The following MYO9B variants were observed in gnomAD, a reference collection of about 807,000 sequenced individuals.
The protein encoded by MYO9B is myosin IXB.
In MYO9B, 71 loss-of-function variants were observed where a neutral mutation model predicts 229.5. The observed-to-expected ratio is 0.31, with a 90% CI of 0.26 to 0.38. MYO9B has a LOEUF of 0.38. Among genes scored for constraint, MYO9B ranks in the 10% least tolerant of loss-of-function variants. The probability of loss-of-function intolerance (pLI) is 1.00; values close to 1 mark genes in which losing one functional copy is unlikely to be tolerated. For missense variants in MYO9B, 2,255 were observed against 2,920.5 expected, an observed-to-expected ratio of 0.77 and a Z score of 5.25; for synonymous variants, 1,185 against 1,235.8, an observed-to-expected ratio of 0.96 and a Z score of 0.86.
intron 2 of MYO9B, among the ~76,000 whole-genome samples, chr19:17,105,542 GAGCTCATTTCTTTTGCTGAATTGT>G: frequency 6.6e-6 from 1 of 152,052 alleles, no homozygotes; most frequent in Non-Finnish European, 1.5e-5. Context: ...CGTGGCTTGA[GAGCTCATTTCTTTTGCTGAATTGT>G]AGCTCATTAT....
At chr19:17,085,367 C>T (rs923353949) in intron 1 of MYO9B, among the ~76,000 whole-genome samples, 1 of 152,066 alleles carries the variant, frequency 6.6e-6, no homozygotes, top group Non-Finnish European at 1.5e-5. Flanking sequence ...AGGCAGAGAG[C>T]ACTCCACGTG....
At chr19:17,148,750 A>AT (rs1268303374) in intron 3 of MYO9B, among the ~76,000 whole-genome samples, 4 of 151,970 alleles carry the variant, frequency 2.6e-5, no homozygotes, top group African/African-American at 9.7e-5. Context: ...CACCCAGCTA[A>AT]TTTTTGTATT....
intron 1 of MYO9B, among the ~76,000 whole-genome samples, chr19:17,091,507 G>C (rs1345302906): frequency 6.6e-6 from 1 of 152,224 alleles, no homozygotes; most frequent in African/African-American, 2.4e-5. Context: ...AGGAGTTTGA[G>C]ACCAGCCTGG....
At chr19:17,086,142 G>A (rs140042349) in intron 1 of MYO9B, among the ~76,000 whole-genome samples, 51 of 152,232 alleles carry the variant, frequency 3.4e-4, no homozygotes, top group East Asian at 2.1e-3. Flanking sequence ...TCTGGTCCTG[G>A]TGCCCCTGCA....
At chr19:17,181,503 T>A (rs1440590454) in intron 15 of MYO9B, among the ~76,000 whole-genome samples, 1 of 152,176 alleles carries the variant, frequency 6.6e-6, no homozygotes, top group Non-Finnish European at 1.5e-5. Context: ...ATAAACCGGT[T>A]TGGGATCCCG....
At position 17,172,042 on chromosome 19, in the gene MYO9B, CA is replaced by C. The variant is rs1328804729; in HGVS notation, c.1794-293del. 6.6e-6 allele frequency among the ~76,000 whole-genome samples: 1 copy of C among 152,184 alleles called. No homozygotes were observed. The highest frequency in any genetic ancestry group is 1.5e-5 in the Non-Finnish European group (1 of 68,030). ...CAGCTATGCCAGCTGACGCAGAGAG[CA>C]GAGTCCCAGCCCTCCACCAGCGTGT... On this transcript the variant is annotated intron_variant, in intron 11 of 39. Transcript: ENST00000682292. The surrounding 1 kb of genome is among the most constrained non-coding windows in gnomAD (Gnocchi z 8.2).
chr19:17,096,688 TTGTTGTTGTTGTTGTTGG>T (rs1233659568), intron 1 of MYO9B, among the ~76,000 whole-genome samples: 39 of 113,818 alleles, frequency 3.4e-4, no homozygotes, highest in South Asian at 2.8e-3. Flanking sequence ...GTTGTTGTTG[TTGTTGTTGTTGTTGTTGG>T]TTTTTTTTTT....
intron 8 of MYO9B, among the ~76,000 whole-genome samples, chr19:17,161,152 C>T (rs752695159): frequency 3.3e-5 from 5 of 152,162 alleles, no homozygotes; most frequent in African/African-American, 1.2e-4. Context: ...CCCGGAAGAA[C>T]AAGGGGCCTG....
At chr19:17,097,748 A>G (rs2057706784) in intron 1 of MYO9B, among the ~76,000 whole-genome samples, 1 of 151,596 alleles carries the variant, frequency 6.6e-6, no homozygotes, top group Non-Finnish European at 1.5e-5. Context: ...AGTGGCCCTG[A>G]CCCCACTCAG....
chr19:17,086,008 A>G (rs1159698254), intron 1 of MYO9B, among the ~76,000 whole-genome samples: 1 of 151,756 alleles, frequency 6.6e-6, no homozygotes, highest in Non-Finnish European at 1.5e-5. Context: ...ACCAGAACCC[A>G]CCTGTGTCTC....
chr19:17,179,487 T>C (rs1444596924), intron 14 of MYO9B, among the ~76,000 whole-genome samples: 2 of 140,462 alleles, frequency 1.4e-5, no homozygotes, highest in Admixed American at 1.5e-4. Flanking sequence ...AGTGCAGTGG[T>C]GCGATCTCGG....
intron 2 of MYO9B, among the ~76,000 whole-genome samples, chr19:17,118,461 AATTTATTT>A (rs200647611): frequency 1.2e-4 from 18 of 151,772 alleles, no homozygotes; most frequent in African/African-American, 3.9e-4. Flanking sequence ...TTTTAAAATG[AATTTATTT>A]ATTTATTTAT....
intron 2 of MYO9B, among the ~76,000 whole-genome samples, chr19:17,126,240 C>G (rs1217250486): frequency 6.6e-6 from 1 of 152,216 alleles, no homozygotes; most frequent in Non-Finnish European, 1.5e-5. Flanking sequence ...CTCTTCTCAC[C>G]CAGCCCTCCT....
intron 2 of MYO9B, among the ~76,000 whole-genome samples, chr19:17,113,852 A>G (rs2057873362): frequency 6.6e-6 from 1 of 152,150 alleles, no homozygotes; most frequent in African/African-American, 2.4e-5. Context: ...CCCAGAGGCG[A>G]CGAGAAAGCA....
At chr19:17,119,583 C>G (rs1280105333) in intron 2 of MYO9B, among the ~76,000 whole-genome samples, 1 of 152,134 alleles carries the variant, frequency 6.6e-6, no homozygotes, top group Non-Finnish European at 1.5e-5. Flanking sequence ...CCTGTAATCC[C>G]AGCACTTCAG....
At chr19:17,129,999 C>G (rs1371590284) in intron 2 of MYO9B, among the ~76,000 whole-genome samples, 1 of 151,950 alleles carries the variant, frequency 6.6e-6, no homozygotes, top group Non-Finnish European at 1.5e-5. Context: ...AGTTATTTTT[C>G]TTTAAGAGAC....
chr19:17,189,526 C>T (rs1019057432), intron 19 of MYO9B, among the ~76,000 whole-genome samples: 2 of 150,772 alleles, frequency 1.3e-5, no homozygotes, highest in African/African-American at 4.9e-5. Context: ...CAGCTACTTG[C>T]GGGGCTGAGG....
rs560224416 is a variant in MYO9B at position 17,157,127 on chromosome 19, A to G, written c.1329+89A>G. The G allele has an allele frequency of 5.6e-4, 815 of 1,465,970 alleles. 3 individuals carry two copies. The highest frequency in any genetic ancestry group is 7.2e-4 in the Middle Eastern group (3 of 4,146). The allele number at this position is 1,465,970 out of a possible 1,614,324, so 90.8% of individuals were successfully genotyped here. ...CGAGGGACCATACCCAGAACTTCCTACGTCAGCTGAGGTTTCATCAACCAG... is the reference window on the plus strand; with the variant it reads ...CGAGGGACCATACCCAGAACTTCCTGCGTCAGCTGAGGTTTCATCAACCAG... On this transcript the variant is annotated intron_variant, in intron 7 of 39. Transcript: ENST00000682292.
chr19:17,167,390 C>A (rs2072671050), intron 10 of MYO9B, among the ~76,000 whole-genome samples: 1 of 151,272 alleles, frequency 6.6e-6, no homozygotes, highest in African/African-American at 2.4e-5. Flanking sequence ...ACCTTGGCCT[C>A]TCAGTTACTT....
Sources: allele counts gnomAD v4.1 joint callset (sites outside exome capture counted in the v4.1 genomes callset), GRCh38; gene constraint gnomAD v4.1.1; non-coding constraint Gnocchi (gnomAD v3.1); transcripts MANE v1.5; gene names NCBI Gene and HGNC (gene_info 2026-07-23, HGNC 2026-07-21).